The following WDFY3 variants were observed in gnomAD, a reference collection of about 807,000 sequenced individuals.
WDFY3 encodes WD repeat and FYVE domain-containing protein 3.
A neutral mutation model predicts 409.6 loss-of-function variants in WDFY3; 66 were observed. That is an observed-to-expected ratio of 0.16 (90% CI 0.13 to 0.20). WDFY3 has a LOEUF of 0.20. Ranked by LOEUF, WDFY3 falls within the 10% of genes least tolerant of loss-of-function variation. The probability of loss-of-function intolerance (pLI) is 1.00; values close to 1 mark genes in which losing one functional copy is unlikely to be tolerated. For missense variants in WDFY3, 3,031 were observed against 4,298.1 expected (o/e 0.71, Z 8.24); for synonymous variants, 1,521 against 1,537.1 (o/e 0.99, Z 0.25).
At chr4:84,887,361 C>T (rs966619498) in intron 3 of WDFY3, among the ~76,000 whole-genome samples, 4 of 152,154 alleles carry the variant, frequency 2.6e-5, no homozygotes, top group African/African-American at 9.7e-5. Context: ...CTGGCCTATC[C>T]TAAGACCATT....
intron 2 of WDFY3, among the ~76,000 whole-genome samples, chr4:84,908,050 T>C (rs1767283240): frequency 6.6e-6 from 1 of 152,072 alleles, no homozygotes; most frequent in Non-Finnish European, 1.5e-5. Flanking sequence ...GAGATATATA[T>C]AAGTACCAGT....
At chr4:84,700,068 T>C (rs776632746) in intron 56 of WDFY3, among the ~76,000 whole-genome samples, 2 of 152,174 alleles carry the variant, frequency 1.3e-5, no homozygotes, top group Non-Finnish European at 2.9e-5. Context: ...TTAAATCCAA[T>C]TTATCTTTTG....
At chr4:84,800,506 T>A (rs1399366106) in intron 17 of WDFY3, among the ~76,000 whole-genome samples, 1 of 152,156 alleles carries the variant, frequency 6.6e-6, no homozygotes, top group Non-Finnish European at 1.5e-5. Flanking sequence ...ACATTATTCA[T>A]AATAAAAAGA....
chr4:84,915,423 A>G (rs1301560304), intron 2 of WDFY3, among the ~76,000 whole-genome samples: 1 of 152,228 alleles, frequency 6.6e-6, no homozygotes, highest in African/African-American at 2.4e-5. Context: ...TATCACCACA[A>G]AATTTTCAGG....
In WDFY3 at chr4:84,762,357, G is replaced by A. The variant is rs369266069; in HGVS notation, c.5188+3453C>T. Among the ~76,000 whole-genome samples, 477 of 150,920 alleles carry A rather than the reference G, an allele frequency of 3.2e-3. 2 individuals carry two copies. Among genetic ancestry groups the A allele is most frequent in the African/African-American group, 0.011 (439 of 41,148 alleles). On this transcript the variant is annotated intron_variant, in intron 32 of 67. Coordinates refer to ENST00000295888, the MANE Select transcript of WDFY3 (RefSeq NM_014991.6). ...AAATCATCATTCTCAGTAAACTATC[G>A]CAAGAACAAAAAACCAAACACTGCA...
chr4:84,736,074 T>G (rs1331554197), intron 42 of WDFY3, 96 bp downstream of exon 42: 35 of 1,354,692 alleles, frequency 2.6e-5, no homozygotes, highest in Non-Finnish European at 3.3e-5. Flanking sequence ...AAAGCAAAAA[T>G]ACAGAAAAGT....
At chr4:84,821,031 C>A (rs1753981979) in intron 11 of WDFY3, 53 bp downstream of exon 11, 4 of 1,442,794 alleles carry the variant, frequency 2.8e-6, no homozygotes, top group Non-Finnish European at 1.9e-6. Flanking sequence ...ACAAAAAATT[C>A]TCTGTTTTGA....
At position 84,726,843 on chromosome 4, in the gene WDFY3, C is replaced by T. The variant is rs1735739430; in HGVS notation, c.7272+18G>A. 1 of 1,588,904 alleles carries T rather than the reference C, an allele frequency of 6.3e-7. No homozygotes were observed. ...ACTACAAGTAGTTTACATTCTTTTA[C>T]TGTAATTTGTGTTTTACCTTTTGAG... On this transcript the variant is annotated intron_variant, in intron 45 of 67. Transcript: ENST00000295888.
In WDFY3 at chr4:84,849,805, A is replaced by G. The variant is rs1578806837; in HGVS notation, c.304+97T>C. The stretch of plus-strand genomic sequence containing the variant: ...ATGGGTAAATGAACTCAATGTGCTG[A>G]GAACAAGGTCTGTTTTCCATTTAAT... On this transcript the variant is annotated intron_variant, in intron 5 of 67. Transcript: ENST00000295888. 2.0e-6 allele frequency: 3 copies of G among 1,508,804 alleles called. No individual in the cohort carries two copies. The East Asian group carries it at 6.9e-5, about 35-fold the overall frequency. The allele number at this position is 1,508,804 out of a possible 1,614,324, so 93.5% of individuals were successfully genotyped here.
chr4:84,726,687 A>G (rs1277854894), intron 45 of WDFY3, among the ~76,000 whole-genome samples, 174 bp downstream of exon 45: 3 of 152,128 alleles, frequency 2.0e-5, no homozygotes, highest in African/African-American at 7.2e-5. Context: ...GTAGAACAAC[A>G]TCTCTCAGCC....
rs531101162 is a variant in WDFY3, at chr4:84,793,890, A to C, written c.3487+629T>G. ...TATTTTACTTAGCTAAAAGAACAAA[A>C]TTAGATGACCAAAAAAATCACATTT... On this transcript the variant is annotated intron_variant, in intron 21 of 67. Transcript: ENST00000295888. Among the ~76,000 whole-genome samples, 5 of 152,294 alleles carry C rather than the reference A, an allele frequency of 3.3e-5. No individual in the cohort carries two copies. The South Asian group carries it at 8.3e-4, about 25-fold the overall frequency.
At chr4:84,736,054 T>C in intron 42 of WDFY3, 116 bp downstream of exon 42, 1 of 1,166,956 alleles carries the variant, frequency 8.6e-7, no homozygotes, top group Non-Finnish European at 1.2e-6. Context: ...ATTACTTCTA[T>C]CTCTATTCTA....
intron 46 of WDFY3, among the ~76,000 whole-genome samples, chr4:84,722,083 C>T (rs1166629403): frequency 1.3e-5 from 2 of 152,066 alleles, no homozygotes; most frequent in Non-Finnish European, 1.5e-5. Context: ...AAAATAAAGA[C>T]AGCAAATTAT....
chr4:84,906,227 A>G (rs1196785758), intron 2 of WDFY3, among the ~76,000 whole-genome samples: 1 of 152,228 alleles, frequency 6.6e-6, no homozygotes, highest in East Asian at 1.9e-4. Context: ...AATTTAAAAG[A>G]TAATTTATGA....
At chr4:84,690,400 T>C in intron 61 of WDFY3, 106 bp downstream of exon 61, 1 of 1,512,566 alleles carries the variant, frequency 6.6e-7, no homozygotes, top group East Asian at 2.3e-5. Flanking sequence ...GTTTTGTCCA[T>C]TAGATCTGAA....
At chr4:84,688,544 AG>A (rs1177639740) in intron 61 of WDFY3, among the ~76,000 whole-genome samples, 2 of 152,280 alleles carry the variant, frequency 1.3e-5, no homozygotes, top group South Asian at 2.1e-4. Context: ...GGATCTTAGA[AG>A]GAAGAGGGAA....
At chr4:84,750,408 T>C (rs1254083875) in intron 36 of WDFY3, among the ~76,000 whole-genome samples, 4 of 151,900 alleles carry the variant, frequency 2.6e-5, no homozygotes, top group Non-Finnish European at 5.9e-5. Context: ...ATGAATAAGA[T>C]AAACATGTGG....
intron 3 of WDFY3, among the ~76,000 whole-genome samples, chr4:84,860,939 A>G (rs1760526001): frequency 6.6e-6 from 1 of 152,120 alleles, no homozygotes; most frequent in African/African-American, 2.4e-5. Flanking sequence ...CGCCGGGAAT[A>G]GTGGTGCACA....
intron 25 of WDFY3, among the ~76,000 whole-genome samples, chr4:84,780,908 CTG>C (rs1274345800): frequency 6.6e-6 from 1 of 152,142 alleles, no homozygotes; most frequent in Non-Finnish European, 1.5e-5. Flanking sequence ...AATGTTTCTA[CTG>C]TGTAGCTCTG....
Sources: gnomAD v4.1 joint callset for allele counts (sites outside exome capture counted in the v4.1 genomes callset) on GRCh38, gnomAD v4.1.1 for gene constraint, MANE v1.5 for transcripts, NCBI Gene and HGNC (gene_info 2026-07-23, HGNC 2026-07-21) for gene names.